Variants in CFAP77 observed in about 807,000 individuals in gnomAD.
The protein encoded by CFAP77 is cilia- and flagella-associated protein 77.
Under a neutral mutation model 31.1 loss-of-function variants are expected in CFAP77, and 25 were observed. That is an observed-to-expected ratio of 0.80 (90% CI 0.59 to 1.12). The LOEUF is 1.12. CFAP77 is among the 50% of genes most tolerant of loss of function. The pLI, the probability that CFAP77 is intolerant of heterozygous loss-of-function variation, is 0.00. For missense variants in CFAP77, 377 were observed against 397.3 expected, an observed-to-expected ratio of 0.95 and a Z score of 0.44; for synonymous variants, 151 against 159.9, an observed-to-expected ratio of 0.94 and a Z score of 0.42.
At chr9:132,479,739 C>T (rs61535477) in intron 1 of CFAP77, among the ~76,000 whole-genome samples, 8,399 of 152,226 alleles carry the variant, frequency 0.055, 292 homozygotes, top group African/African-American at 0.094. Context: ...AGTTTGGACA[C>T]GTAGCATCAA....
At chr9:132,463,638 G>A (rs931689383) in intron 1 of CFAP77, among the ~76,000 whole-genome samples, 10 of 152,156 alleles carry the variant, frequency 6.6e-5, no homozygotes, top group African/African-American at 2.4e-4. Flanking sequence ...GGCTAATGAC[G>A]CTAAGGGGGA....
Position 132,514,787 on chromosome 9 carries a change from C to G in CFAP77, c.524+15187C>G, listed in dbSNP as rs187980609. Among the ~76,000 whole-genome samples, 721 of 152,332 alleles carry G rather than the reference C, an allele frequency of 4.7e-3. 9 individuals carry two copies. The highest frequency in any genetic ancestry group is 0.017 in the African/African-American group (693 of 41,562). On this transcript the variant is annotated intron_variant, in intron 3 of 5. Transcript: ENST00000393216. ...AAAAGTAGCCACAAGCCCAGAGGTC[C>G]TCTTCTCTAATTAGTTCTAAGAGTC...
chr9:132,421,346 G>C (rs921912143), intron 1 of CFAP77, among the ~76,000 whole-genome samples: 12 of 151,940 alleles, frequency 7.9e-5, no homozygotes, highest in African/African-American at 2.9e-4. Context: ...AACTGAAGAG[G>C]TGGGGGCAGG....
chr9:132,451,377 G>A lies in CFAP77; in HGVS notation c.195+40911G>A, dbSNP rs1189827715. The stretch of plus-strand genomic sequence containing the variant: ...AAAAAAGAAAGATCATGAATTGGAT[G>A]TGGGTAGTCGGTCTGCCACAAACAG... On this transcript the variant is annotated intron_variant, in intron 1 of 5. Coordinates refer to ENST00000393216, the MANE Select transcript of CFAP77 (RefSeq NM_001282957.2). Among the ~76,000 whole-genome samples, 3 of 151,732 alleles carry A rather than the reference G, an allele frequency of 2.0e-5. No individual in the cohort carries two copies. The East Asian group carries it at 5.8e-4, about 29-fold the overall frequency.
At chr9:132,543,465 C>G (rs1452561066) in intron 5 of CFAP77, among the ~76,000 whole-genome samples, 2 of 152,062 alleles carry the variant, frequency 1.3e-5, no homozygotes, top group Non-Finnish European at 2.9e-5. Flanking sequence ...GGGGAGAGGG[C>G]TGTCCGTCCG....
At chr9:132,473,172 C>T (rs913989488) in intron 1 of CFAP77, among the ~76,000 whole-genome samples, 2 of 152,118 alleles carry the variant, frequency 1.3e-5, no homozygotes, top group Non-Finnish European at 2.9e-5. Flanking sequence ...AGTGAGAACT[C>T]GTTCACCCCT....
chr9:132,550,687 T>A (rs961265967), intron 5 of CFAP77, among the ~76,000 whole-genome samples: 2 of 148,768 alleles, frequency 1.3e-5, no homozygotes, highest in Non-Finnish European at 3.0e-5. Context: ...TAATTTTTAA[T>A]TTTTTTTTTG....
chr9:132,448,344 C>A (rs1175187251), intron 1 of CFAP77, among the ~76,000 whole-genome samples: 1 of 152,144 alleles, frequency 6.6e-6, no homozygotes, highest in Admixed American at 6.5e-5. Context: ...ACTGCTGAGG[C>A]CTTTCTCTTC....
intron 1 of CFAP77, among the ~76,000 whole-genome samples, chr9:132,443,398 C>T (rs992406156): frequency 6.6e-6 from 1 of 152,008 alleles, no homozygotes; most frequent in African/African-American, 2.4e-5. Context: ...GGATTACAGG[C>T]ATGTGCTACC....
At chr9:132,432,619 C>T (rs527994985) in intron 1 of CFAP77, among the ~76,000 whole-genome samples, 1 of 151,982 alleles carries the variant, frequency 6.6e-6, no homozygotes, top group Non-Finnish European at 1.5e-5. Context: ...GCAAGCTCTG[C>T]CTCCCGGGTT....
intron 5 of CFAP77, among the ~76,000 whole-genome samples, chr9:132,544,094 G>A (rs1204285036): frequency 6.6e-6 from 1 of 152,250 alleles, no homozygotes; most frequent in Non-Finnish European, 1.5e-5. Flanking sequence ...GAAGGGACCG[G>A]TGCCTTTCTG....
intron 1 of CFAP77, among the ~76,000 whole-genome samples, chr9:132,476,337 C>CTAGGGG (rs1851346653): frequency 6.6e-6 from 1 of 152,116 alleles, no homozygotes; most frequent in Non-Finnish European, 1.5e-5. Flanking sequence ...GTGACCCACC[C>CTAGGGG]TCCTCTTGTG....
chr9:132,441,913 A>G (rs933712510), intron 1 of CFAP77, among the ~76,000 whole-genome samples: 6 of 152,196 alleles, frequency 3.9e-5, no homozygotes, highest in African/African-American at 1.4e-4. Flanking sequence ...ATCAGAACCT[A>G]CATTTCAACA....
intron 1 of CFAP77, among the ~76,000 whole-genome samples, chr9:132,483,095 AAC>A (rs1382530373): frequency 2.6e-5 from 4 of 151,956 alleles, no homozygotes; most frequent in African/African-American, 9.7e-5. Flanking sequence ...AACATGGAGA[AAC>A]ACACTCTCTA....
Position 132,499,231 on chromosome 9 carries a change from G to A in CFAP77, c.296-141G>A, listed in dbSNP as rs1851796940. 5 of 707,966 alleles carry A rather than the reference G, an allele frequency of 7.1e-6. No individual in the cohort carries two copies. Among genetic ancestry groups the A allele is most frequent in the Non-Finnish European group, 1.2e-5 (5 of 430,398 alleles). 43.9% of individuals were successfully genotyped at this position (707,966 alleles called of 1,614,324 possible). A position where few individuals can be genotyped will look rare whatever the true frequency, so the allele number is the denominator to read the frequency against. ...TTTTGGGCCATCATGCTTTCTGGGGGCCAGGCAGGGTTGTCACCCAGTAGG... is the reference window on the plus strand; with the variant it reads ...TTTTGGGCCATCATGCTTTCTGGGGACCAGGCAGGGTTGTCACCCAGTAGG... On this transcript the variant is annotated intron_variant, in intron 2 of 5. Transcript: ENST00000393216. This position sits in a 1 kb window ranked among gnomAD's most constrained non-coding sequence, Gnocchi z 5.4.
In CFAP77 at chr9:132,514,091, C is replaced by T. The variant is rs532131259; in HGVS notation, c.524+14491C>T. Among the ~76,000 whole-genome samples, 3 of 148,830 alleles carry T rather than the reference C, an allele frequency of 2.0e-5. 1 individual carries two copies. The highest frequency in any genetic ancestry group is 2.1e-4 in the South Asian group (1 of 4,734). On this transcript the variant is annotated intron_variant, in intron 3 of 5. Coordinates refer to ENST00000393216, the MANE Select transcript of CFAP77 (RefSeq NM_001282957.2). ...GACCACAGGTGATGGTGAGATGACCCTTCACCTATATCCCTGAACACAGGT... is the reference window on the plus strand; with the variant it reads ...GACCACAGGTGATGGTGAGATGACCTTTCACCTATATCCCTGAACACAGGT...
Position 132,552,065 on chromosome 9 carries a change from T to A in CFAP77, c.732+9018T>A, listed in dbSNP as rs1852831071. 1.3e-5 allele frequency among the ~76,000 whole-genome samples: 2 copies of A among 152,268 alleles called. No homozygotes were observed. Among genetic ancestry groups the A allele is most frequent in the East Asian group, 3.8e-4 (2 of 5,206 alleles). Reference sequence around the variant, plus strand: ...CAAGGCTAAAAAGGAAAGAGGCGGCTGATCCCGGATTCAGGCTTACTGCGT... The same window carrying A: ...CAAGGCTAAAAAGGAAAGAGGCGGCAGATCCCGGATTCAGGCTTACTGCGT... On this transcript the variant is annotated intron_variant, in intron 5 of 5. Coordinates refer to ENST00000393216, the MANE Select transcript of CFAP77 (RefSeq NM_001282957.2). The surrounding 1 kb of genome is among the most constrained non-coding windows in gnomAD (Gnocchi z 5.5).
intron 3 of CFAP77, among the ~76,000 whole-genome samples, chr9:132,533,321 C>G (rs371032784): frequency 2.0e-5 from 3 of 152,190 alleles, no homozygotes; most frequent in Non-Finnish European, 2.9e-5. Context: ...GGCTGAGGAA[C>G]CCCTGTGTAC....
intron 1 of CFAP77, among the ~76,000 whole-genome samples, chr9:132,454,985 C>A (rs986108307): frequency 2.6e-5 from 4 of 151,458 alleles, no homozygotes; most frequent in Non-Finnish European, 4.4e-5. Context: ...GAAGTGAGGA[C>A]ATCACAAAAT....
Sources: allele counts gnomAD v4.1 joint callset (sites outside exome capture counted in the v4.1 genomes callset), GRCh38; gene constraint gnomAD v4.1.1; non-coding constraint Gnocchi (gnomAD v3.1); transcripts MANE v1.5; gene names NCBI Gene and HGNC (gene_info 2026-07-23, HGNC 2026-07-21).